The following SCAPER variants were observed in gnomAD, a reference collection of about 807,000 sequenced individuals.
SCAPER encodes the protein S phase cyclin A-associated protein in the endoplasmic reticulum.
In SCAPER, 98 loss-of-function variants were observed where a neutral mutation model predicts 182.2. That is an observed-to-expected ratio of 0.54 (90% CI 0.46 to 0.64). SCAPER has a LOEUF of 0.64. Ranked by LOEUF, SCAPER falls within the 30% of genes least tolerant of loss-of-function variation. The pLI is 0.00. For synonymous variants in SCAPER, 605 were observed against 564.6 expected (o/e 1.07, Z -1.01); for missense variants, 1,432 against 1,690.0 (o/e 0.85, Z 2.68).
intron 14 of SCAPER, among the ~76,000 whole-genome samples, chr15:76,755,909 G>C (rs1473526715): frequency 1.3e-5 from 2 of 152,110 alleles, no homozygotes; most frequent in Non-Finnish European, 2.9e-5. Flanking sequence ...AATGAGTATG[G>C]AAGTGGATCC....
chr15:76,710,216 G>A (rs1373883880), intron 17 of SCAPER, among the ~76,000 whole-genome samples: 1 of 152,036 alleles, frequency 6.6e-6, no homozygotes, highest in Non-Finnish European at 1.5e-5. Flanking sequence ...TAGAAATAAA[G>A]AAGTAAAACA....
In SCAPER at chr15:76,743,615, G is replaced by A. The variant is rs1016475648; in HGVS notation, c.1866+10193C>T. 3.9e-5 allele frequency among the ~76,000 whole-genome samples: 6 copies of A among 151,918 alleles called. No individual in the cohort carries two copies. The East Asian group carries it at 1.2e-3, about 29-fold the overall frequency. The stretch of plus-strand genomic sequence containing the variant: ...CCAAAGAGGTGAAAGAACTGAACAA[G>A]GAGAATGACAGAACACTGCTGAAAA... On this transcript the variant is annotated intron_variant, in intron 15 of 31. Coordinates refer to ENST00000563290, the MANE Select transcript of SCAPER (RefSeq NM_020843.4).
chr15:76,449,661 G>A (rs925285769), intron 25 of SCAPER, among the ~76,000 whole-genome samples: 2 of 152,100 alleles, frequency 1.3e-5, no homozygotes, highest in Non-Finnish European at 2.9e-5. Flanking sequence ...CCTCTATCTG[G>A]TGATTTTCAA....
At chr15:76,755,245 A>G (rs2062350173) in intron 14 of SCAPER, among the ~76,000 whole-genome samples, 2 of 152,200 alleles carry the variant, frequency 1.3e-5, no homozygotes, top group Admixed American at 1.3e-4. Flanking sequence ...ACCCCACAAG[A>G]GACTGCTTTT....
At chr15:76,761,060 TTTC>T (rs1188790792) in intron 14 of SCAPER, among the ~76,000 whole-genome samples, 1 of 152,198 alleles carries the variant, frequency 6.6e-6, no homozygotes, top group African/African-American at 2.4e-5. Context: ...AGGCTCTTTA[TTTC>T]TTCTTGATTC....
intron 3 of SCAPER, among the ~76,000 whole-genome samples, chr15:76,861,536 T>C (rs1055289394): frequency 6.6e-6 from 1 of 152,174 alleles, no homozygotes; most frequent in Non-Finnish European, 1.5e-5. Flanking sequence ...TCTGTATCTC[T>C]ATCCAATCTT....
At chr15:76,856,030 T>C (rs1287805750) in intron 4 of SCAPER, among the ~76,000 whole-genome samples, 1 of 152,090 alleles carries the variant, frequency 6.6e-6, no homozygotes, top group African/African-American at 2.4e-5. Context: ...TAAATGCCCA[T>C]CAACAACAGA....
chr15:76,623,728 A>T (rs1261817881), intron 21 of SCAPER, among the ~76,000 whole-genome samples: 1 of 152,144 alleles, frequency 6.6e-6, no homozygotes, highest in Non-Finnish European at 1.5e-5. Context: ...TTGGCTCTTC[A>T]GGCTCTTTTA....
At chr15:76,695,826 TAC>T (rs768330990) in intron 20 of SCAPER, among the ~76,000 whole-genome samples, 6 of 150,810 alleles carry the variant, frequency 4.0e-5, no homozygotes, top group South Asian at 2.1e-4. Context: ...CACATACATT[TAC>T]ACACACACAC....
intron 4 of SCAPER, among the ~76,000 whole-genome samples, chr15:76,842,982 C>G (rs2069626628): frequency 6.6e-6 from 1 of 152,072 alleles, no homozygotes; most frequent in Non-Finnish European, 1.5e-5. Context: ...TACTTCCTTC[C>G]CAAAGTTTTT....
Position 76,821,815 on chromosome 15 carries a change from G to A in SCAPER, c.394-17182C>T, listed in dbSNP as rs1397010981. ...TCCCAGCTACTCAGGAGGCTGAGGT[G>A]GGAGAATTTCTTGAACCCAGGAATT... is the stretch of plus-strand genomic sequence containing the variant. On this transcript the variant is annotated intron_variant, in intron 5 of 31. Transcript: ENST00000563290. Among the ~76,000 whole-genome samples, 33 of 151,970 alleles carry A rather than the reference G, an allele frequency of 2.2e-4. 1 individual carries two copies. Among genetic ancestry groups the A allele is most frequent in the Admixed American group, 2.2e-3 (33 of 15,246 alleles).
intron 27 of SCAPER, among the ~76,000 whole-genome samples, chr15:76,388,396 C>A (rs966858243): frequency 6.6e-6 from 1 of 151,852 alleles, no homozygotes; most frequent in South Asian, 2.1e-4. Flanking sequence ...TTCAAGGCTG[C>A]AGTGAGCTAT....
intron 8 of SCAPER, among the ~76,000 whole-genome samples, chr15:76,783,149 GAAGAA>G (rs1215889227): frequency 6.6e-6 from 1 of 151,896 alleles, no homozygotes; most frequent in Non-Finnish European, 1.5e-5. Context: ...GACTAACAAA[GAAGAA>G]AAGAGAGAAG....
At chr15:76,667,823 T>C (rs1043718092) in intron 20 of SCAPER, among the ~76,000 whole-genome samples, 1 of 151,444 alleles carries the variant, frequency 6.6e-6, no homozygotes, top group Middle Eastern at 3.5e-3. Flanking sequence ...CATGGTGGTA[T>C]ATGCCTGTAC....
At chr15:76,575,261 C>T (rs10152388) in intron 22 of SCAPER, among the ~76,000 whole-genome samples, 6,717 of 152,068 alleles carry the variant, frequency 0.044, 324 homozygotes, top group African/African-American at 0.12. Context: ...GGAGTCAGAC[C>T]ATGCAAAATA....
intron 23 of SCAPER, among the ~76,000 whole-genome samples, chr15:76,535,735 T>A (rs1449349637): frequency 6.6e-6 from 1 of 152,040 alleles, no homozygotes; most frequent in East Asian, 1.9e-4. Flanking sequence ...GGCTCTAGGT[T>A]CTGCATAGTC....
chr15:76,450,808 C>A (rs1165908027), intron 25 of SCAPER, among the ~76,000 whole-genome samples: 1 of 152,190 alleles, frequency 6.6e-6, no homozygotes, highest in African/African-American at 2.4e-5. Context: ...TGCACCTTGG[C>A]CTCCCAAAGT....
chr15:76,902,347 C>T (rs545017886), intron 1 of SCAPER, among the ~76,000 whole-genome samples: 1 of 152,222 alleles, frequency 6.6e-6, no homozygotes, highest in East Asian at 1.9e-4. Context: ...ATCACTAGGC[C>T]AAGGGGAGCA....
intron 23 of SCAPER, among the ~76,000 whole-genome samples, chr15:76,564,435 A>G (rs28895952): frequency 0.32 from 49,064 of 151,888 alleles, 8,143 homozygotes; most frequent in East Asian, 0.55. Context: ...AGAATAAAAT[A>G]CCTAGGAATA....
Sources: allele counts gnomAD v4.1 joint callset (sites outside exome capture counted in the v4.1 genomes callset), GRCh38; gene constraint gnomAD v4.1.1; transcripts MANE v1.5; gene names NCBI Gene and HGNC (gene_info 2026-07-23, HGNC 2026-07-21).